The following DNAH14 variants were observed in gnomAD, a reference collection of about 807,000 sequenced individuals.
DNAH14 encodes the protein axonemal beta dynein heavy chain 14.
In DNAH14, 478 loss-of-function variants were observed where a neutral mutation model predicts 520.9. The observed-to-expected ratio is 0.92, with a 90% CI of 0.85 to 0.99. The LOEUF (loss-of-function observed/expected upper bound fraction) is 0.99. Among genes scored for constraint, DNAH14 ranks in the 50% least tolerant of loss-of-function variants. DNAH14 has a pLI of 0.00. For missense variants in DNAH14, 4,831 were observed against 5,234.5 expected (o/e 0.92, Z 2.38); for synonymous variants, 1,581 against 1,757.2 (o/e 0.90, Z 2.51).
At chr1:225,282,568 TG>T (rs1240850357) in intron 54 of DNAH14, among the ~76,000 whole-genome samples, 1 of 152,132 alleles carries the variant, frequency 6.6e-6, no homozygotes, top group Non-Finnish European at 1.5e-5. Context: ...ACAGAAGAGA[TG>T]GTAATCAATA....
intron 7 of DNAH14, among the ~76,000 whole-genome samples, chr1:224,972,459 G>A (rs1180927425): frequency 2.1e-5 from 3 of 143,926 alleles, no homozygotes; most frequent in African/African-American, 2.7e-5. Flanking sequence ...GCCTACCACC[G>A]CACCTGGCTA....
chr1:225,346,256 T>C lies in DNAH14; in HGVS notation c.10973T>C (p.Val3658Ala). The C allele has an allele frequency of 6.4e-7, 1 of 1,551,530 alleles. No homozygotes were observed. Among genetic ancestry groups the C allele is most frequent in the East Asian group, 2.4e-5 (1 of 40,920 alleles). ...EQEHSFKREK[V>A]SPKEVHEFIS... The stretch of plus-strand genomic sequence containing the variant: ...GAACATAGTTTTAAAAGGGAGAAAG[T>C]GTCTCCAAAAGAAGTTCATGAGTTT... The change falls in exon 70 of 86, where the codon GTG (valine) becomes GCG (alanine). Residue 3658 changes from valine to alanine, a missense_variant. By Grantham distance (64) the Val-to-Ala change is moderately conservative. Coordinates refer to ENST00000682510, the MANE Select transcript of DNAH14 (RefSeq NM_001367479.1).
At chr1:225,386,469 G>T (rs184390486) in intron 81 of DNAH14, among the ~76,000 whole-genome samples, 1 of 152,258 alleles carries the variant, frequency 6.6e-6, no homozygotes, top group East Asian at 1.9e-4. Context: ...GAAAATTTTT[G>T]CAATCTACCC....
At position 225,266,834 on chromosome 1, in the gene DNAH14, T is replaced by C. The variant is rs2093136095; in HGVS notation, c.7539+65T>C. The C allele has an allele frequency of 7.2e-6, 10 of 1,389,730 alleles. No homozygotes were observed. The South Asian group carries it at 1.4e-4, about 20-fold the overall frequency. 86.1% of individuals were successfully genotyped at this position (1,389,730 alleles called of 1,614,324 possible). ...TTTCTCACACTAAATTAAATGTTTATAACAATGTTGAGTGAATTGCTTGAG... is the reference window on the plus strand; with the variant it reads ...TTTCTCACACTAAATTAAATGTTTACAACAATGTTGAGTGAATTGCTTGAG... On this transcript the variant is annotated intron_variant, in intron 49 of 85. Coordinates refer to ENST00000682510, the MANE Select transcript of DNAH14 (RefSeq NM_001367479.1).
chr1:225,124,681 G>A (rs531078361), intron 27 of DNAH14, among the ~76,000 whole-genome samples: 6 of 152,058 alleles, frequency 3.9e-5, no homozygotes, highest in South Asian at 4.2e-4. Context: ...CCTTAAAGTC[G>A]TCCATGAGAG....
chr1:225,141,738 A>G (rs983921671), intron 28 of DNAH14, among the ~76,000 whole-genome samples: 4 of 152,154 alleles, frequency 2.6e-5, no homozygotes, highest in Non-Finnish European at 2.9e-5. Context: ...TAATTCTGGA[A>G]CAGACTGAGG....
At chr1:224,974,524 T>C (rs2061686288) in intron 8 of DNAH14, among the ~76,000 whole-genome samples, 1 of 152,246 alleles carries the variant, frequency 6.6e-6, no homozygotes, top group African/African-American at 2.4e-5. Context: ...TATTTTGAGA[T>C]AATCGTGGAT....
At chr1:225,355,771 AC>A (rs1437911280) in intron 73 of DNAH14, among the ~76,000 whole-genome samples, 1 of 152,160 alleles carries the variant, frequency 6.6e-6, no homozygotes, top group Non-Finnish European at 1.5e-5. Context: ...ATCCCTTTTA[AC>A]CCTTTAAGCA....
chr1:225,270,350 A>G (rs943531192), intron 49 of DNAH14, among the ~76,000 whole-genome samples: 1 of 151,550 alleles, frequency 6.6e-6, no homozygotes, highest in African/African-American at 2.4e-5. Context: ...GAGGGATAGC[A>G]TTAGGAGATA....
intron 15 of DNAH14, among the ~76,000 whole-genome samples, chr1:225,046,947 A>G (rs12758848): frequency 0.33 from 50,753 of 151,902 alleles, 10,103 homozygotes; most frequent in East Asian, 0.54. Context: ...TCACCTCAAG[A>G]TACTTCAGGC....
intron 27 of DNAH14, among the ~76,000 whole-genome samples, chr1:225,130,834 A>AT (rs1244978786): frequency 1.3e-5 from 2 of 150,328 alleles, no homozygotes; most frequent in Non-Finnish European, 2.9e-5. Context: ...AATAATAATA[A>AT]AATAAAATAA....
chr1:225,284,133 G>A (rs1003155111), intron 54 of DNAH14, among the ~76,000 whole-genome samples: 3 of 152,016 alleles, frequency 2.0e-5, no homozygotes, highest in Admixed American at 2.0e-4. Context: ...AAAGCATGCA[G>A]ATGGAAGAAA....
At chr1:225,153,938 T>A in intron 34 of DNAH14, 112 bp downstream of exon 34, 1 of 701,636 alleles carries the variant, frequency 1.4e-6, no homozygotes, top group South Asian at 2.6e-5. Context: ...CCGCAGACTG[T>A]CATAGTAAAG....
intron 1 of DNAH14, among the ~76,000 whole-genome samples, chr1:224,951,664 T>C (rs1318954472): frequency 6.8e-6 from 1 of 146,806 alleles, no homozygotes; most frequent in East Asian, 2.0e-4. Flanking sequence ...TTTTTTTTTT[T>C]TTTTGAGACG....
At chr1:225,376,007 G>C (rs1045201890) in intron 78 of DNAH14, among the ~76,000 whole-genome samples, 1 of 151,780 alleles carries the variant, frequency 6.6e-6, no homozygotes, top group Non-Finnish European at 1.5e-5. Flanking sequence ...AGAATCACCC[G>C]AACCCAGGAG....
At chr1:225,368,199 GC>G (rs1218874058) in intron 77 of DNAH14, among the ~76,000 whole-genome samples, 167 bp downstream of exon 77, 1 of 152,212 alleles carries the variant, frequency 6.6e-6, no homozygotes, top group East Asian at 1.9e-4. Flanking sequence ...TTTGATGCCA[GC>G]TTTTCTGGAA....
chr1:225,012,562 C>A (rs554346784), intron 10 of DNAH14, among the ~76,000 whole-genome samples: 2 of 152,324 alleles, frequency 1.3e-5, no homozygotes, highest in African/African-American at 4.8e-5. Flanking sequence ...TGTTTTCCCA[C>A]TGGGTTCCGT....
chr1:225,043,748 A>G lies in DNAH14; in HGVS notation c.1773A>G (p.Thr591=), dbSNP rs545404352. 3 of 1,460,134 alleles carry G rather than the reference A, an allele frequency of 2.1e-6. No individual in the cohort carries two copies. The South Asian group carries it at 3.7e-5, about 18-fold the overall frequency. The allele number at this position is 1,460,134 out of a possible 1,614,324, so 90.4% of individuals were successfully genotyped here. A position where few individuals can be genotyped will look rare whatever the true frequency, so the allele number is the denominator to read the frequency against. The change falls in exon 14 of 86, where the codon ACA becomes ACG. Residue 591 remains threonine (T), a synonymous_variant. Coordinates refer to ENST00000682510, the MANE Select transcript of DNAH14 (RefSeq NM_001367479.1). Reference sequence around the variant, plus strand: ...TCTTTCAATGGATTCTAATAGACACAGAAATTGAGACTGAGTTTGAGAATA... The same window carrying G: ...TCTTTCAATGGATTCTAATAGACACGGAAATTGAGACTGAGTTTGAGAATA... The part of the protein sequence containing the change: ...SYNLEDIISD[T]EIETEFENKY...
chr1:225,399,032 TG>T lies in DNAH14; in HGVS notation c.13639-20del, dbSNP rs1575208796. 5 of 1,496,238 alleles carry T rather than the reference TG, an allele frequency of 3.3e-6. No homozygotes were observed. In the East Asian group the frequency reaches 7.4e-5, roughly 22 times the overall value. 92.7% of individuals were successfully genotyped at this position (1,496,238 alleles called of 1,614,324 possible). ...CACTTGAACTATGCAATTTGACTAC[TG>T]GATTTTTTTTTTTTTTAAAGATTTC... On this transcript the variant is annotated intron_variant, in intron 85 of 85. Transcript: ENST00000682510.
Sources: allele counts gnomAD v4.1 joint callset (sites outside exome capture counted in the v4.1 genomes callset), GRCh38; gene constraint gnomAD v4.1.1; transcripts MANE v1.5; gene names NCBI Gene and HGNC (gene_info 2026-07-23, HGNC 2026-07-21).